SLC25A48: variants seen among roughly 807,000 people sequenced by gnomAD.
SLC25A48 encodes solute carrier family 25 member 48, also known as CTC-321K16.1.
In SLC25A48, 29 loss-of-function variants were observed where a neutral mutation model predicts 32.2. The observed-to-expected ratio is 0.90, with a 90% CI of 0.67 to 1.23. SLC25A48 has a LOEUF of 1.23. Ranked by LOEUF, SLC25A48 falls within the 50% of genes most tolerant of loss-of-function variation. The pLI is 0.00. For synonymous variants in SLC25A48, 164 were observed against 172.3 expected, an observed-to-expected ratio of 0.95 and a Z score of 0.38; for missense variants, 399 against 422.7, an observed-to-expected ratio of 0.94 and a Z score of 0.49.
At chr5:135,653,987 G>C (rs1753181267) in intron 3 of SLC25A48, 2 of 452,838 alleles carry the variant, frequency 4.4e-6, no homozygotes. Flanking sequence ...GCTAACCTGG[G>C]ACCTGCCATA....
intron 4 of SLC25A48, among the ~76,000 whole-genome samples, chr5:135,819,863 T>C (rs1757835050): frequency 6.6e-6 from 1 of 151,974 alleles, no homozygotes; most frequent in Non-Finnish European, 1.5e-5. Context: ...AAAATGCAAA[T>C]TAAAACCAGC....
intron 3 of SLC25A48, among the ~76,000 whole-genome samples, chr5:135,749,202 A>T (rs1046432480): frequency 2.6e-5 from 4 of 151,900 alleles, no homozygotes; most frequent in Non-Finnish European, 5.9e-5. Flanking sequence ...GCAAGGAAGA[A>T]ATGCCTACTG....
At chr5:135,811,178 T>G (rs575065608) in intron 3 of SLC25A48, among the ~76,000 whole-genome samples, 5 of 152,198 alleles carry the variant, frequency 3.3e-5, no homozygotes, top group African/African-American at 1.2e-4. Context: ...GGAAGGAGGG[T>G]TCCTCTGTTT....
intron 3 of SLC25A48, among the ~76,000 whole-genome samples, chr5:135,748,276 G>T (rs757212225): frequency 2.6e-5 from 4 of 152,168 alleles, no homozygotes; most frequent in Admixed American, 6.5e-5. Flanking sequence ...ATACATTGGA[G>T]GGCAGGATGC....
chr5:135,799,050 A>C (rs568175119), intron 3 of SLC25A48, among the ~76,000 whole-genome samples: 27 of 151,652 alleles, frequency 1.8e-4, no homozygotes, highest in African/African-American at 6.3e-4. Context: ...AGAGAGGATG[A>C]TATTACTCCC....
At chr5:135,717,107 TA>T (rs1754819698) in intron 3 of SLC25A48, among the ~76,000 whole-genome samples, 1 of 152,084 alleles carries the variant, frequency 6.6e-6, no homozygotes, top group Non-Finnish European at 1.5e-5. Flanking sequence ...CCCTGATCAG[TA>T]GCTGTCCACC....
intron 7 of SLC25A48, among the ~76,000 whole-genome samples, chr5:135,885,948 A>G (rs1762697186): frequency 6.6e-6 from 1 of 152,168 alleles, no homozygotes; most frequent in Non-Finnish European, 1.5e-5. Flanking sequence ...TTTAAAATAT[A>G]TATCGTATAT....
At chr5:135,587,737 T>G (rs1346882185) in intron 1 of SLC25A48, among the ~76,000 whole-genome samples, 3 of 152,216 alleles carry the variant, frequency 2.0e-5, no homozygotes, top group Non-Finnish European at 2.9e-5. Flanking sequence ...CTGAACATGA[T>G]CAGGTTCTTA....
chr5:135,712,369 A>C (rs1233845601), intron 3 of SLC25A48, among the ~76,000 whole-genome samples: 1 of 152,170 alleles, frequency 6.6e-6, no homozygotes, highest in African/African-American at 2.4e-5. Flanking sequence ...TGTGTCTTTC[A>C]AGGTCAAATT....
At chr5:135,862,397 A>C (rs1356728778) in intron 4 of SLC25A48, among the ~76,000 whole-genome samples, 2 of 152,212 alleles carry the variant, frequency 1.3e-5, no homozygotes. Flanking sequence ...TATCCTAATC[A>C]TTGCACCAGG....
intron 3 of SLC25A48, among the ~76,000 whole-genome samples, chr5:135,657,083 G>A (rs60144622): frequency 0.035 from 5,287 of 152,194 alleles, 132 homozygotes; most frequent in African/African-American, 0.057. Context: ...ATCTGAATGG[G>A]CACTCACAAT....
At chr5:135,742,527 TC>T in intron 3 of SLC25A48, 1 of 1,507,650 alleles carries the variant, frequency 6.6e-7, no homozygotes, top group Non-Finnish European at 9.1e-7. Context: ...ACACTGCCTT[TC>T]CCAAACAATA....
chr5:135,852,642 G>A lies in SLC25A48; in HGVS notation c.242G>A (p.Ser81Asn). ...AACTCCGTGGTGTTTGGGGTCTTCA[G>A]TAACACGCAGCGGTTCCTCAGCCAG... ...VYNSVVFGVF[S>N]NTQRFLSQHR... The change falls in exon 4 of 8, where the codon AGT becomes AAT. Residue 81 changes from serine (S) to asparagine (N), a missense_variant. Ser to Asn is a conservative substitution (Grantham distance 46). Transcript: ENST00000681962. 12 of 1,613,778 alleles carry A rather than the reference G, an allele frequency of 7.4e-6. No individual in the cohort carries two copies. The highest frequency in any genetic ancestry group is 1.0e-5 in the Non-Finnish European group (12 of 1,179,702).
intron 3 of SLC25A48, among the ~76,000 whole-genome samples, chr5:135,683,847 T>A (rs976972133): frequency 1.9e-4 from 29 of 152,268 alleles, no homozygotes; most frequent in African/African-American, 7.0e-4. Flanking sequence ...CATTCCCAGC[T>A]TAGCTTGGAT....
chr5:135,592,068 G>A (rs1229028131), intron 1 of SLC25A48, among the ~76,000 whole-genome samples: 9 of 152,200 alleles, frequency 5.9e-5, no homozygotes, highest in African/African-American at 2.2e-4. Context: ...TTGTGTTAGA[G>A]TGGGAAACAG....
intron 1 of SLC25A48, among the ~76,000 whole-genome samples, chr5:135,627,723 A>G (rs1752469876): frequency 6.9e-6 from 1 of 145,962 alleles, no homozygotes; most frequent in Non-Finnish European, 1.5e-5. Context: ...TGGTATAGTC[A>G]CCCAGTCCTA....
At chr5:135,679,618 A>G (rs182142652) in intron 3 of SLC25A48, among the ~76,000 whole-genome samples, 1 of 152,332 alleles carries the variant, frequency 6.6e-6, no homozygotes, top group African/African-American at 2.4e-5. Context: ...AAAAATGCAC[A>G]GTGACTTTGC....
intron 3 of SLC25A48, among the ~76,000 whole-genome samples, chr5:135,659,947 T>A (rs1255460525): frequency 6.6e-6 from 1 of 152,228 alleles, no homozygotes; most frequent in Admixed American, 6.5e-5. Flanking sequence ...CTTCGGGAAT[T>A]ACAGTTCAAC....
chr5:135,582,293 G>T (rs1347435569), intron 1 of SLC25A48, among the ~76,000 whole-genome samples: 1 of 152,188 alleles, frequency 6.6e-6, no homozygotes, highest in Non-Finnish European at 1.5e-5. Flanking sequence ...AGCCAAGGCA[G>T]CTGTGTGCCT....
Sources: gnomAD v4.1 joint callset for allele counts (sites outside exome capture counted in the v4.1 genomes callset) on GRCh38, gnomAD v4.1.1 for gene constraint, MANE v1.5 for transcripts, NCBI Gene and HGNC (gene_info 2026-07-23, HGNC 2026-07-21) for gene names.